Variants in NR5A2 observed in about 807,000 individuals in gnomAD.
NR5A2 encodes nuclear receptor subfamily 5 group A member 2.
A neutral mutation model predicts 62.7 loss-of-function variants in NR5A2; 26 were observed. That is an observed-to-expected ratio of 0.41 (90% CI 0.30 to 0.58). The LOEUF (loss-of-function observed/expected upper bound fraction) is 0.58, where lower values mean the gene tolerates loss of function less well. Among genes scored for constraint, NR5A2 ranks in the 20% least tolerant of loss-of-function variants. The pLI is 0.22. For synonymous variants in NR5A2, 246 were observed against 241.7 expected, an observed-to-expected ratio of 1.02 and a Z score of -0.16; for missense variants, 541 against 669.1, an observed-to-expected ratio of 0.81 and a Z score of 2.11.
At chr1:200,130,843 T>A (rs953809424) in intron 7 of NR5A2, among the ~76,000 whole-genome samples, 4 of 152,228 alleles carry the variant, frequency 2.6e-5, no homozygotes, top group African/African-American at 9.6e-5. Flanking sequence ...TTACCTCACA[T>A]CTTTACCCAA....
chr1:200,134,839 T>C (rs1194483477), intron 7 of NR5A2, among the ~76,000 whole-genome samples: 1 of 152,232 alleles, frequency 6.6e-6, no homozygotes, highest in Non-Finnish European at 1.5e-5. Context: ...GTATGCAGTT[T>C]AGTGGCATTA....
At chr1:200,146,283 G>A (rs74782159) in intron 7 of NR5A2, among the ~76,000 whole-genome samples, 3,390 of 152,278 alleles carry the variant, frequency 0.022, 121 homozygotes, top group African/African-American at 0.071. Flanking sequence ...AATCTGATCT[G>A]TCTACAGCAC....
intron 7 of NR5A2, among the ~76,000 whole-genome samples, chr1:200,164,590 C>T (rs1462126794): frequency 1.3e-5 from 2 of 148,558 alleles, no homozygotes; most frequent in African/African-American, 2.5e-5. Context: ...CTCTGTTGTC[C>T]AGGCTTGAGT....
At position 200,048,860 on chromosome 1, in the gene NR5A2, A is replaced by T. The variant is rs1662507043; in HGVS notation, c.1110+42A>T. 1.3e-6 allele frequency: 2 copies of T among 1,599,656 alleles called. No individual in the cohort carries two copies. Among genetic ancestry groups the T allele is most frequent in the Non-Finnish European group, 1.7e-6 (2 of 1,169,400 alleles). ...TACAACTTACAGCACCCCTTTTAAG[A>T]GAGACCTAACTATGTTCCTAATTAA... On this transcript the variant is annotated intron_variant, in intron 5 of 7. Transcript: ENST00000367362. This position sits in a 1 kb window ranked among gnomAD's most constrained non-coding sequence, Gnocchi z 4.8.
rs1666441392 is a variant in NR5A2, at chr1:200,120,719, A to C, written c.1231-89A>C. On this transcript the variant is annotated intron_variant, in intron 6 of 7. Coordinates refer to ENST00000367362, the MANE Select transcript of NR5A2 (RefSeq NM_205860.3). ...ATTCTATTTTAAAAACCTGTATTGC[A>C]ATCTGATTTTACCCATAGTTCTTAC... The C allele has an allele frequency of 4.5e-6, 6 of 1,339,702 alleles. No individual in the cohort carries two copies. The Admixed American group carries it at 1.1e-4, about 24-fold the overall frequency. 83.0% of individuals were successfully genotyped at this position (1,339,702 alleles called of 1,614,324 possible).
intron 7 of NR5A2, among the ~76,000 whole-genome samples, chr1:200,145,069 T>G (rs529665919): frequency 7.9e-5 from 12 of 152,242 alleles, no homozygotes; most frequent in African/African-American, 2.4e-4. Flanking sequence ...CCCAGCACTT[T>G]GGGAGGCTGA....
intron 5 of NR5A2, among the ~76,000 whole-genome samples, chr1:200,054,989 T>C (rs1259240501): frequency 2.0e-5 from 3 of 151,232 alleles, no homozygotes; most frequent in Admixed American, 1.3e-4. Context: ...CTTGACCTTG[T>C]GGCCTCAAGC....
chr1:200,043,473 T>C (rs2102154432), intron 2 of NR5A2, among the ~76,000 whole-genome samples: 1 of 152,334 alleles, frequency 6.6e-6, no homozygotes, highest in Admixed American at 6.5e-5. Context: ...GCAATTCATG[T>C]CTCTATTTGT....
intron 7 of NR5A2, among the ~76,000 whole-genome samples, chr1:200,162,118 A>G (rs1653671221): frequency 6.6e-6 from 1 of 152,236 alleles, no homozygotes; most frequent in Non-Finnish European, 1.5e-5. Context: ...GACAAATGTG[A>G]ACTGAGCTCC....
intron 6 of NR5A2, among the ~76,000 whole-genome samples, chr1:200,118,274 C>T (rs1412741807): frequency 6.6e-6 from 1 of 152,108 alleles, no homozygotes; most frequent in Admixed American, 6.5e-5. Flanking sequence ...ACCTCGGCCT[C>T]CCAAAGCACT....
At chr1:200,139,599 GTTATT>G (rs1255767613) in intron 7 of NR5A2, among the ~76,000 whole-genome samples, 4 of 152,174 alleles carry the variant, frequency 2.6e-5, no homozygotes, top group South Asian at 2.1e-4. Context: ...CTTATCTTTT[GTTATT>G]TTATTGTTCT....
At chr1:200,131,212 A>G (rs1440474650) in intron 7 of NR5A2, among the ~76,000 whole-genome samples, 1 of 151,980 alleles carries the variant, frequency 6.6e-6, no homozygotes, top group Non-Finnish European at 1.5e-5. Context: ...TCTTAATTAA[A>G]TGCAGTATAA....
At chr1:200,081,192 A>G (rs1055210886) in intron 5 of NR5A2, among the ~76,000 whole-genome samples, 4 of 152,236 alleles carry the variant, frequency 2.6e-5, no homozygotes, top group South Asian at 2.1e-4. Flanking sequence ...TGAGGGTACC[A>G]TAGCTAAAAT....
At chr1:200,140,989 C>G (rs2816951) in intron 7 of NR5A2, among the ~76,000 whole-genome samples, 90,607 of 151,726 alleles carry the variant, frequency 0.6, 27,558 homozygotes, top group East Asian at 0.72. Context: ...TGAGGTCATG[C>G]CATTGCACTC....
At chr1:200,098,716 C>T (rs1665217442) in intron 5 of NR5A2, among the ~76,000 whole-genome samples, 1 of 152,178 alleles carries the variant, frequency 6.6e-6, no homozygotes, top group Admixed American at 6.5e-5. Flanking sequence ...TAAGCACCTG[C>T]GGTGAGCCTA....
chr1:200,056,613 C>G (rs1233744009), intron 5 of NR5A2, among the ~76,000 whole-genome samples: 1 of 152,144 alleles, frequency 6.6e-6, no homozygotes, highest in Admixed American at 6.5e-5. Context: ...ACTGCAAACT[C>G]AGTTTAAGCT....
intron 5 of NR5A2, among the ~76,000 whole-genome samples, chr1:200,056,145 T>C (rs1662905475): frequency 6.6e-6 from 1 of 152,238 alleles, no homozygotes; most frequent in African/African-American, 2.4e-5. Context: ...GTATATTGCA[T>C]GTGTCTATTG....
In NR5A2 at chr1:200,147,994, G is replaced by A. The variant is rs893198338; in HGVS notation, c.1379-25969G>A. ...CGGGCGGCCGCCTTGACCTCCTCCCGCGAGCCGAAAACGCCCAGTTCGAAG... is the reference window on the plus strand; with the variant it reads ...CGGGCGGCCGCCTTGACCTCCTCCCACGAGCCGAAAACGCCCAGTTCGAAG... On this transcript the variant is annotated intron_variant, in intron 7 of 7. Coordinates refer to ENST00000367362, the MANE Select transcript of NR5A2 (RefSeq NM_205860.3). This position sits in a 1 kb window ranked among gnomAD's most constrained non-coding sequence, Gnocchi z 4.9. 4.2e-5 allele frequency: 13 copies of A among 306,072 alleles called. No individual in the cohort carries two copies. Among genetic ancestry groups the A allele is most frequent in the Middle Eastern group, 9.7e-4 (2 of 2,070 alleles). 19.0% of individuals were successfully genotyped at this position (306,072 alleles called of 1,614,324 possible).
At chr1:200,068,520 A>G (rs1325695467) in intron 5 of NR5A2, among the ~76,000 whole-genome samples, 2 of 152,198 alleles carry the variant, frequency 1.3e-5, no homozygotes, top group African/African-American at 2.4e-5. Context: ...CAGTTTACTT[A>G]TTAGCCCAAG....
Sources: gnomAD v4.1 joint callset for allele counts (sites outside exome capture counted in the v4.1 genomes callset) on GRCh38, gnomAD v4.1.1 for gene constraint, Gnocchi (gnomAD v3.1) non-coding constraint, MANE v1.5 for transcripts, NCBI Gene and HGNC (gene_info 2026-07-23, HGNC 2026-07-21) for gene names.